EIF2AK4: variants seen among roughly 807,000 people sequenced by gnomAD.
The protein encoded by EIF2AK4 is eIF-2-alpha kinase GCN2.
In EIF2AK4, 139 loss-of-function variants were observed where a neutral mutation model predicts 211.1. The ratio of observed to expected loss-of-function variants is 0.66; its 90% CI spans 0.57 to 0.76. EIF2AK4 has a LOEUF of 0.76. EIF2AK4 is among the 30% of genes least tolerant of loss of function. EIF2AK4 has a pLI of 0.00. For synonymous variants in EIF2AK4, 710 were observed against 751.3 expected (o/e 0.94, Z 0.90); for missense variants, 1,664 against 2,043.8 (o/e 0.81, Z 3.58).
chr15:40,003,836 G>T (rs2035124696), intron 23 of EIF2AK4, among the ~76,000 whole-genome samples: 1 of 152,198 alleles, frequency 6.6e-6, no homozygotes, highest in African/African-American at 2.4e-5. Context: ...CACAGTGTTG[G>T]CTACTAACAA....
intron 23 of EIF2AK4, among the ~76,000 whole-genome samples, chr15:40,005,632 C>T (rs1488063753): frequency 2.7e-5 from 4 of 150,652 alleles, no homozygotes; most frequent in East Asian, 2.0e-4. Context: ...AGGGCAGTGG[C>T]GTGATTTCAG....
At chr15:40,009,581 T>G (rs763053814) in intron 25 of EIF2AK4, 33 bp from the exon 26 acceptor site, 1 of 1,410,368 alleles carries the variant, frequency 7.1e-7, no homozygotes, top group African/African-American at 1.4e-5. Context: ...ATTGCTTTTA[T>G]AATGAAAATA....
Position 40,026,107 on chromosome 15 carries a change from A to G in EIF2AK4, c.4502+18A>G. 1.2e-6 allele frequency: 2 copies of G among 1,605,458 alleles called. No individual in the cohort carries two copies. The highest frequency in any genetic ancestry group is 2.2e-5 in the East Asian group (1 of 44,834). Reference sequence around the variant, plus strand: ...AATGGCAGGTAACTTAGGAAACAAAAGCCGAGAAAAGTGACTTCAGTTACC... The same window carrying G: ...AATGGCAGGTAACTTAGGAAACAAAGGCCGAGAAAAGTGACTTCAGTTACC... On this transcript the variant is annotated intron_variant, in intron 33 of 38. Coordinates refer to ENST00000263791, the MANE Select transcript of EIF2AK4 (RefSeq NM_001013703.4).
intron 37 of EIF2AK4, among the ~76,000 whole-genome samples, chr15:40,033,505 CA>C (rs1458526396): frequency 6.6e-6 from 1 of 152,174 alleles, no homozygotes; most frequent in Admixed American, 6.5e-5. Context: ...GTCATAGCTA[CA>C]GGTGACTTTT....
chr15:39,949,843 G>T (rs536942423), intron 4 of EIF2AK4, among the ~76,000 whole-genome samples: 1 of 151,932 alleles, frequency 6.6e-6, no homozygotes, highest in Non-Finnish European at 1.5e-5. Context: ...CCTATGCTGA[G>T]ATTCTAAAGA....
chr15:39,949,116 G>A lies in EIF2AK4; in HGVS notation c.361G>A (p.Val121Met). Reference protein sequence around the residue: ...EELAKKHCGEVMIFELAYHVQ... With the variant: ...EELAKKHCGEMMIFELAYHVQ... ...GGTTGATTTTTGTTTACATGTTTAG[G>A]TGATGATCTTTGAACTGGCTTACCA... Residue 121 changes from valine to methionine, a missense_variant and splice_region_variant, in exon 4 of 39, where the codon GTG becomes ATG. By Grantham distance (21) the Val-to-Met change is conservative. Transcript: ENST00000263791. 1 of 1,612,312 alleles carries A rather than the reference G, an allele frequency of 6.2e-7. No individual in the cohort carries two copies. Among genetic ancestry groups the A allele is most frequent in the Non-Finnish European group, 8.5e-7 (1 of 1,178,580 alleles).
rs1350755093 is a variant in EIF2AK4 at position 40,034,460 on chromosome 15, G to C, written c.4892+16G>C. ...TAGAAAAAAAGTAAGTTATCACTTGGGCATAGCAGGGTTCACATGGTTAAA... is the reference window on the plus strand; with the variant it reads ...TAGAAAAAAAGTAAGTTATCACTTGCGCATAGCAGGGTTCACATGGTTAAA... On this transcript the variant is annotated intron_variant, in intron 38 of 38. Transcript: ENST00000263791. 6.3e-7 allele frequency: 1 copy of C among 1,587,666 alleles called. No homozygotes were observed. Among genetic ancestry groups the C allele is most frequent in the Middle Eastern group, 1.7e-4 (1 of 5,990 alleles).
intron 18 of EIF2AK4, 74 bp downstream of exon 18, chr15:39,992,922 TA>T (rs1226304495): frequency 5.0e-6 from 7 of 1,391,544 alleles, no homozygotes; most frequent in Non-Finnish European, 6.1e-6. Context: ...ATTTGGGATT[TA>T]GTCCCGGCTA....
At chr15:40,028,419 CT>C (rs2035495112) in intron 33 of EIF2AK4, among the ~76,000 whole-genome samples, 1 of 152,154 alleles carries the variant, frequency 6.6e-6, no homozygotes, top group African/African-American at 2.4e-5. Context: ...AATGATTTTG[CT>C]TCCCAGGGCA....
chr15:40,021,066 T>A (rs2035381257), intron 31 of EIF2AK4, 39 bp downstream of exon 31: 13 of 1,602,074 alleles, frequency 8.1e-6, no homozygotes, highest in Non-Finnish European at 1.1e-5. Flanking sequence ...AAGTGCAAAT[T>A]GCTATGGCTT....
intron 23 of EIF2AK4, among the ~76,000 whole-genome samples, chr15:40,004,400 T>C (rs2035132560): frequency 6.6e-6 from 1 of 152,196 alleles, no homozygotes; most frequent in Non-Finnish European, 1.5e-5. Context: ...ACCAATATTA[T>C]GGAATATTAA....
chr15:39,937,610 T>G (rs1046018441), intron 1 of EIF2AK4, among the ~76,000 whole-genome samples: 8 of 152,218 alleles, frequency 5.3e-5, no homozygotes, highest in African/African-American at 1.9e-4. Context: ...CCTGTGGGTT[T>G]TTTTTCCCCC....
Position 39,978,340 on chromosome 15 carries a change from A to G in EIF2AK4, c.2319+193A>G. The G allele has an allele frequency of 9.0e-6, 3 of 331,674 alleles. No individual in the cohort carries two copies. The South Asian group carries it at 3.3e-4, about 37-fold the overall frequency. The allele number at this position is 331,674 out of a possible 1,614,324, so 20.5% of individuals were successfully genotyped here. The stretch of plus-strand genomic sequence containing the variant: ...ATAGACCTTCTTTATTTATCCACAT[A>G]GTAAAACATACCTCCTTTTAGAAGA... On this transcript the variant is annotated intron_variant, in intron 13 of 38. Coordinates refer to ENST00000263791, the MANE Select transcript of EIF2AK4 (RefSeq NM_001013703.4).
At chr15:39,969,781 C>T (rs1160032479) in intron 9 of EIF2AK4, among the ~76,000 whole-genome samples, 2 of 152,152 alleles carry the variant, frequency 1.3e-5, no homozygotes, top group Non-Finnish European at 2.9e-5. Flanking sequence ...ACTTTGCTGT[C>T]CAGCCCTGGT....
At chr15:39,951,465 T>C in intron 4 of EIF2AK4, 2 of 405,584 alleles carry the variant, frequency 4.9e-6, no homozygotes, top group Non-Finnish European at 4.8e-6. Flanking sequence ...GGTTGGTGTT[T>C]TCAAAAAGGC....
chr15:39,997,071 T>C lies in EIF2AK4; in HGVS notation c.2868+6T>C, dbSNP rs1417913185. 24 of 1,600,296 alleles carry C rather than the reference T, an allele frequency of 1.5e-5. No homozygotes were observed. The highest frequency in any genetic ancestry group is 2.1e-5 in the Non-Finnish European group (24 of 1,167,656). ...TTCTCAACCAACTCAGAGATGTATG[T>C]ATCAGGTGTTTTAGTGCCTACATTT... On this transcript the variant is annotated splice_donor_region_variant and intron_variant, in intron 19 of 38. Transcript: ENST00000263791.
intron 6 of EIF2AK4, among the ~76,000 whole-genome samples, chr15:39,959,148 C>T (rs2034432648): frequency 6.6e-6 from 1 of 152,100 alleles, no homozygotes; most frequent in South Asian, 2.1e-4. Flanking sequence ...CATGAACATC[C>T]ATACTCTAGA....
At chr15:39,976,164 A>G (rs1409053827) in intron 11 of EIF2AK4, among the ~76,000 whole-genome samples, 2 of 152,238 alleles carry the variant, frequency 1.3e-5, no homozygotes, top group Non-Finnish European at 2.9e-5. Context: ...ATTAATTATT[A>G]AAATGGAGAT....
chr15:39,947,258 A>G (rs77820631), intron 3 of EIF2AK4, among the ~76,000 whole-genome samples: 7,137 of 152,318 alleles, frequency 0.047, 606 homozygotes, highest in East Asian at 0.2. Context: ...AAAATAGAGT[A>G]TAATTAGGTA....
Sources: allele counts gnomAD v4.1 joint callset (sites outside exome capture counted in the v4.1 genomes callset), GRCh38; gene constraint gnomAD v4.1.1; transcripts MANE v1.5; gene names NCBI Gene and HGNC (gene_info 2026-07-23, HGNC 2026-07-21).